Variants in ZNF714 observed in about 807,000 individuals in gnomAD.
The protein encoded by ZNF714 is zinc finger protein 714.
Under a neutral mutation model 46.2 loss-of-function variants are expected in ZNF714, and 32 were observed. The observed-to-expected ratio is 0.69, with a 90% confidence interval of 0.52 to 0.93. The LOEUF is 0.93. Among genes scored for constraint, ZNF714 ranks in the 40% least tolerant of loss-of-function variants. The pLI, the probability that ZNF714 is intolerant of heterozygous loss-of-function variation, is 0.00. For missense variants in ZNF714, 635 were observed against 646.3 expected, an observed-to-expected ratio of 0.98 and a Z score of 0.19; for synonymous variants, 199 against 213.1, an observed-to-expected ratio of 0.93 and a Z score of 0.58.
At chr19:21,082,640 A>G (rs1968681013) in intron 1 of ZNF714, among the ~76,000 whole-genome samples, 1 of 151,924 alleles carries the variant, frequency 6.6e-6, no homozygotes, top group African/African-American at 2.4e-5. Context: ...TTGTGCAGGG[A>G]CCACTGGAGG....
chr19:21,118,233 C>G lies in ZNF714; in HGVS notation c.1569C>G (p.Ile523Met). The change falls in exon 5 of 5, where the codon ATC (isoleucine) becomes ATG (methionine). Residue 523 changes from isoleucine (I) to methionine (M), a missense_variant. Ile to Met is a conservative substitution (Grantham distance 10). Transcript: ENST00000456283. The part of the protein sequence containing the change: ...PNTLRGLGEQ[I>M]ARSGVQDQPG... ...CTTTGAGAGGACTAGGTGAGCAGAT[C>G]GCGAGGTCAGGAGTTCAAGACCAGC... 2 of 1,567,088 alleles carry G rather than the reference C, an allele frequency of 1.3e-6. No homozygotes were observed. The highest frequency in any genetic ancestry group is 1.7e-6 in the Non-Finnish European group (2 of 1,151,694).
chr19:21,120,792 C>T lies in ZNF714; in HGVS notation c.*2460C>T, dbSNP rs953234792. 5 of 151,820 alleles carry T rather than the reference C, an allele frequency of 3.3e-5. No homozygotes were observed. Among genetic ancestry groups the T allele is most frequent in the Non-Finnish European group, 7.4e-5 (5 of 67,974 alleles). 9.4% of individuals were successfully genotyped at this position (151,820 alleles called of 1,614,324 possible). On this transcript the variant is annotated 3_prime_UTR_variant, in exon 5 of 5. Transcript: ENST00000456283. ...ATTTTTTTTGCCAGTGGCTTTAAAC[C>T]GCAAATAAGTTAAAGAATATTGTTT...
intron 2 of ZNF714, among the ~76,000 whole-genome samples, chr19:21,089,779 A>C (rs889050844): frequency 2.7e-5 from 4 of 150,508 alleles, no homozygotes; most frequent in African/African-American, 9.7e-5. Flanking sequence ...GCTTAAGACT[A>C]ACCTCACAAA....
rs1969682509 is a variant in ZNF714, at chr19:21,120,132, T to A, written c.*1800T>A. Reference sequence around the variant, plus strand: ...TCTCGGCTCACTGCAACCTTCAATTTCCAGTTTCAAGCGATTCTCCTCCCT... The same window carrying A: ...TCTCGGCTCACTGCAACCTTCAATTACCAGTTTCAAGCGATTCTCCTCCCT... On this transcript the variant is annotated 3_prime_UTR_variant, in exon 5 of 5. Transcript: ENST00000456283. 6.6e-6 allele frequency: 1 copy of A among 152,126 alleles called. No individual in the cohort carries two copies. Among genetic ancestry groups the A allele is most frequent in the Admixed American group, 6.6e-5 (1 of 15,260 alleles). 9.4% of individuals were successfully genotyped at this position (152,126 alleles called of 1,614,324 possible).
In ZNF714 at chr19:21,120,529, T is replaced by C. The variant is rs1287043370; in HGVS notation, c.*2197T>C. ...TGCATTATGAAAAAACATTTAATTT[T>C]ATTTAAAATTTAGTTTATCATACTA... On this transcript the variant is annotated 3_prime_UTR_variant, in exon 5 of 5. Coordinates refer to ENST00000456283, the MANE Select transcript of ZNF714 (RefSeq NM_182515.4). 2.1e-5 allele frequency: 2 copies of C among 95,370 alleles called. No individual in the cohort carries two copies. Among genetic ancestry groups the C allele is most frequent in the Admixed American group, 1.3e-4 (1 of 7,640 alleles). 5.9% of individuals were successfully genotyped at this position (95,370 alleles called of 1,614,324 possible).
chr19:21,108,916 C>T (rs1329358706), intron 4 of ZNF714, among the ~76,000 whole-genome samples: 1 of 152,116 alleles, frequency 6.6e-6, no homozygotes, highest in Non-Finnish European at 1.5e-5. Context: ...TTGGAAACCT[C>T]ATGTTATATA....
chr19:21,090,240 A>C (rs1968878593), intron 2 of ZNF714, among the ~76,000 whole-genome samples: 1 of 152,344 alleles, frequency 6.6e-6, no homozygotes, highest in Non-Finnish European at 1.5e-5. Flanking sequence ...TGCCTGTGGC[A>C]GGTTGGGGAA....
intron 4 of ZNF714, among the ~76,000 whole-genome samples, chr19:21,106,470 G>A (rs1969316769): frequency 6.6e-6 from 1 of 150,560 alleles, no homozygotes; most frequent in Non-Finnish European, 1.5e-5. Context: ...TCAGGAGGCT[G>A]AGTCAGGAGA....
At chr19:21,102,097 C>T (rs1416379561) in intron 4 of ZNF714, among the ~76,000 whole-genome samples, 1 of 149,366 alleles carries the variant, frequency 6.7e-6, no homozygotes, top group African/African-American at 2.4e-5. Context: ...ACCTGGCTGT[C>T]TCATAAAGGC....
At chr19:21,101,006 G>A (rs1458183814) in intron 4 of ZNF714, among the ~76,000 whole-genome samples, 1 of 152,086 alleles carries the variant, frequency 6.6e-6, no homozygotes, top group African/African-American at 2.4e-5. Flanking sequence ...ACCAAGCCCG[G>A]CTTTTTAGAC....
At chr19:21,092,979 G>T (rs1173146851) in intron 2 of ZNF714, among the ~76,000 whole-genome samples, 1 of 132,684 alleles carries the variant, frequency 7.5e-6, no homozygotes, top group Non-Finnish European at 1.5e-5. Flanking sequence ...GTGCGATCTC[G>T]GCTCACTGCA....
In ZNF714 at chr19:21,118,028, G is replaced by A. The variant is rs1969642436; in HGVS notation, c.1364G>A (p.Cys455Tyr). The change falls in exon 5 of 5, where the codon TGT becomes TAT. Residue 455 changes from cysteine to tyrosine, a missense_variant. By Grantham distance (194) the Cys-to-Tyr change is radical. Transcript: ENST00000456283. ...RIHTGEKPYK[C>Y]EECGKAFNRS... ...CACACTGGAGAGAAACCCTACAAAT[G>A]TGAAGAATGTGGCAAAGCTTTCAAC... The A allele has an allele frequency of 1.4e-5, 22 of 1,613,854 alleles. No individual in the cohort carries two copies. Among genetic ancestry groups the A allele is most frequent in the Non-Finnish European group, 1.9e-5 (22 of 1,179,996 alleles).
rs1457106910 is a variant in ZNF714 at position 21,117,555 on chromosome 19, C to A, written c.891C>A (p.Phe297Leu). ...CEECDKAFNR[F>L]SYLTKHKIIH... ...AATGTGACAAAGCTTTTAACCGATT[C>A]TCATACCTTACTAAACATAAGATAA... The change falls in exon 5 of 5, where the codon TTC becomes TTA. Residue 297 changes from phenylalanine to leucine, a missense_variant. By Grantham distance (22) the Phe-to-Leu change is conservative (BLOSUM62 0). Transcript: ENST00000456283. 3.7e-6 allele frequency: 6 copies of A among 1,606,146 alleles called. No homozygotes were observed. The highest frequency in any genetic ancestry group is 5.1e-6 in the Non-Finnish European group (6 of 1,175,698).
chr19:21,111,065 A>T lies in ZNF714; in HGVS notation c.143-5742A>T, dbSNP rs368924869. ...CTTTTTGCTTAGGATTCTCTTGGCTATATGGGGTCTTTTGGGGTTTCATAT... is the reference window on the plus strand; with the variant it reads ...CTTTTTGCTTAGGATTCTCTTGGCTTTATGGGGTCTTTTGGGGTTTCATAT... On this transcript the variant is annotated intron_variant, in intron 4 of 4. Coordinates refer to ENST00000456283, the MANE Select transcript of ZNF714 (RefSeq NM_182515.4). Among the ~76,000 whole-genome samples, 25 of 152,264 alleles carry T rather than the reference A, an allele frequency of 1.6e-4. 1 individual carries two copies. The highest frequency in any genetic ancestry group is 5.5e-4 in the African/African-American group (23 of 41,554).
Position 21,124,400 on chromosome 19 carries a change from A to G in ZNF714, c.*6068A>G, listed in dbSNP as rs1969759942. 6.6e-6 allele frequency among the ~76,000 whole-genome samples: 1 copy of G among 152,224 alleles called. No individual in the cohort carries two copies. Among genetic ancestry groups the G allele is most frequent in the African/African-American group, 2.4e-5 (1 of 41,462 alleles). ...ATGATTATGACTAAAAAATTAAATGACAATAGTCCCCAAACTATGTATTTT... is the reference window on the plus strand; with the variant it reads ...ATGATTATGACTAAAAAATTAAATGGCAATAGTCCCCAAACTATGTATTTT... On this transcript the variant is annotated 3_prime_UTR_variant, in exon 5 of 5. Coordinates refer to ENST00000456283, the MANE Select transcript of ZNF714 (RefSeq NM_182515.4).
intron 2 of ZNF714, among the ~76,000 whole-genome samples, chr19:21,095,744 G>T (rs930724916): frequency 4.6e-5 from 7 of 152,010 alleles, no homozygotes; most frequent in African/African-American, 1.7e-4. Flanking sequence ...GTGAGCCACC[G>T]CGCCTAGCCT....
chr19:21,082,613 G>A lies in ZNF714; in HGVS notation c.-177+265G>A, dbSNP rs1049019679. Among the ~76,000 whole-genome samples the A allele has an allele frequency of 2.1e-4, 32 of 152,254 alleles. 1 individual carries two copies. The highest frequency in any genetic ancestry group is 7.7e-4 in the African/African-American group (32 of 41,560). ...CTCAGGGCAGCTCTGGACCCTCAGC[G>A]GCGCGTCTCTCCCGGATTGTGCAGG... On this transcript the variant is annotated intron_variant, in intron 1 of 4. Transcript: ENST00000456283.
At chr19:21,092,880 G>A (rs1234820475) in intron 2 of ZNF714, among the ~76,000 whole-genome samples, 5 of 144,888 alleles carry the variant, frequency 3.5e-5, no homozygotes, top group African/African-American at 5.1e-5. Context: ...CTCCAGTGTC[G>A]TCTATGTTGC....
chr19:21,096,111 C>T (rs1286918277), intron 2 of ZNF714, among the ~76,000 whole-genome samples: 1 of 152,136 alleles, frequency 6.6e-6, no homozygotes, highest in African/African-American at 2.4e-5. Context: ...TTCATATTTT[C>T]ATTACTGTAG....
Sources: gnomAD v4.1 joint callset for allele counts (sites outside exome capture counted in the v4.1 genomes callset) on GRCh38, gnomAD v4.1.1 for gene constraint, MANE v1.5 for transcripts, NCBI Gene and HGNC (gene_info 2026-07-23, HGNC 2026-07-21) for gene names.